Variants in CCDC88C observed in about 807,000 individuals in gnomAD.
CCDC88C encodes the protein coiled-coil and HOOK domain protein 88C.
Under a neutral mutation model 198.8 loss-of-function variants are expected in CCDC88C, and 131 were observed. The observed-to-expected ratio is 0.66, with a 90% confidence interval of 0.57 to 0.76. CCDC88C has a LOEUF of 0.76. CCDC88C is among the 30% of genes least tolerant of loss of function. The pLI, the probability that CCDC88C is intolerant of heterozygous loss-of-function variation, is 0.00. For missense variants in CCDC88C, 2,553 were observed against 2,631.6 expected (o/e 0.97, Z 0.65); for synonymous variants, 1,166 against 1,114.7 (o/e 1.05, Z -0.92).
At position 91,273,186 on chromosome 14, in the gene CCDC88C, G is replaced by A; in HGVS notation, c.5526C>T (p.Ser1842=). The part of the protein sequence containing the change: ...PEALGGRETG[S]HTLQSPAPPS... Reference sequence around the variant, plus strand: ...GGGGTGCGGGGCTTTGCAGGGTGTGGCTGCCTGTCTCTCTGCCCCCTAAGG... The same window carrying A: ...GGGGTGCGGGGCTTTGCAGGGTGTGACTGCCTGTCTCTCTGCCCCCTAAGG... Residue 1842 remains serine (S), a synonymous_variant, in exon 30 of 30, where the codon AGC becomes AGT. Transcript: ENST00000389857. This position sits in a 1 kb window ranked among gnomAD's most constrained non-coding sequence, Gnocchi z 5.6. 6.3e-7 allele frequency: 1 copy of A among 1,577,390 alleles called. No individual in the cohort carries two copies. The highest frequency in any genetic ancestry group is 8.6e-7 in the Non-Finnish European group (1 of 1,161,904).
chr14:91,279,242 T>C lies in CCDC88C; in HGVS notation c.4764A>G (p.Leu1588=), dbSNP rs1275975135. ...NTSSNSSPLN[L]KGSSEQLHGR... ...ACACAGAAGCACAAGACTTACCTTT[T>C]AGGTTAAGAGGTGAGCTGTTGCTGG... Residue 1588 remains leucine (L), a synonymous_variant, in exon 28 of 30, where the codon CTA becomes CTG. Coordinates refer to ENST00000389857, the MANE Select transcript of CCDC88C (RefSeq NM_001080414.4). The C allele has an allele frequency of 1.3e-6, 2 of 1,593,878 alleles. No individual in the cohort carries two copies. Among genetic ancestry groups the C allele is most frequent in the African/African-American group, 2.7e-5 (2 of 74,756 alleles).
chr14:91,341,902 G>A (rs1159285172), intron 6 of CCDC88C, among the ~76,000 whole-genome samples: 1 of 152,146 alleles, frequency 6.6e-6, no homozygotes, highest in Non-Finnish European at 1.5e-5. Context: ...CTCCCAAGGC[G>A]GTCTTTCTGG....
chr14:91,417,175 T>C (rs1475429616), intron 1 of CCDC88C: 7 of 702,932 alleles, frequency 1.0e-5, no homozygotes, highest in Admixed American at 8.0e-5. Context: ...GTCTGTTCGC[T>C]TTCCCATTCG....
chr14:91,367,442 G>A (rs974244748), intron 3 of CCDC88C, among the ~76,000 whole-genome samples: 2 of 152,198 alleles, frequency 1.3e-5, no homozygotes, highest in African/African-American at 2.4e-5. Flanking sequence ...CGTCGGCTTC[G>A]CAGGTGCACC....
intron 20 of CCDC88C, among the ~76,000 whole-genome samples, chr14:91,300,913 A>C (rs1054893625): frequency 6.6e-6 from 1 of 152,144 alleles, no homozygotes; most frequent in Non-Finnish European, 1.5e-5. Context: ...GATCTTTCCC[A>C]TTCAGGCAAA....
At position 91,315,773 on chromosome 14, in the gene CCDC88C, T is replaced by G; in HGVS notation, c.1542A>C (p.Gln514His). Residue 514 changes from glutamine to histidine, a missense_variant, in exon 14 of 30, where the codon CAA (glutamine) becomes CAC (histidine). By Grantham distance (24) the Gln-to-His change is conservative (BLOSUM62 0). Coordinates refer to ENST00000389857, the MANE Select transcript of CCDC88C (RefSeq NM_001080414.4). ...TCTGCTTTTCTCTCTCCAGCTGGGT[T>G]TGTAACTTTTCAATCTGCAGAACCA... is the stretch of plus-strand genomic sequence containing the variant. ...HQLSKKIEKL[Q>H]TQLEREKQSN... 2 of 1,612,856 alleles carry G rather than the reference T, an allele frequency of 1.2e-6. No homozygotes were observed. The highest frequency in any genetic ancestry group is 1.7e-6 in the Non-Finnish European group (2 of 1,179,372).
At chr14:91,396,893 G>A (rs563266099) in intron 3 of CCDC88C, among the ~76,000 whole-genome samples, 1 of 152,092 alleles carries the variant, frequency 6.6e-6, no homozygotes, top group Non-Finnish European at 1.5e-5. Flanking sequence ...CCAGCTACTC[G>A]GGGGGCTGAG....
intron 10 of CCDC88C, among the ~76,000 whole-genome samples, chr14:91,330,245 G>A (rs573972454): frequency 8.4e-4 from 128 of 152,364 alleles, no homozygotes; most frequent in African/African-American, 3.1e-3. Context: ...GCTGGGAGAC[G>A]CAGCCCGCAC....
rs765867826 is a variant in CCDC88C, at chr14:91,305,861, G to A, written c.3261C>T (p.Asn1087=). ...TCAAGATCTGGCTGCTGAAGGTCAC[G>A]TTCTGGGTCTCCAGGTGCTGCAGCT... ...KEQLQHLETQ[N]VTFSSQILTL... is the part of the protein sequence containing the mutation. The change falls in exon 19 of 30, where the codon AAC becomes AAT. Residue 1087 remains asparagine, a synonymous_variant. Coordinates refer to ENST00000389857, the MANE Select transcript of CCDC88C (RefSeq NM_001080414.4). The A allele has an allele frequency of 9.9e-6, 16 of 1,613,860 alleles. No homozygotes were observed. Among genetic ancestry groups the A allele is most frequent in the Non-Finnish European group, 1.3e-5 (15 of 1,179,904 alleles).
intron 3 of CCDC88C, among the ~76,000 whole-genome samples, chr14:91,377,795 C>A (rs762170248): frequency 1.3e-5 from 2 of 152,208 alleles, no homozygotes; most frequent in African/African-American, 4.8e-5. Context: ...AGGGACCAGT[C>A]TCTGTCTGGT....
At chr14:91,364,017 C>T (rs1194829559) in intron 3 of CCDC88C, among the ~76,000 whole-genome samples, 1 of 152,284 alleles carries the variant, frequency 6.6e-6, no homozygotes, top group African/African-American at 2.4e-5. Flanking sequence ...CTGGAGAGTG[C>T]AAGCCCAGTG....
chr14:91,304,008 C>A, intron 19 of CCDC88C, 30 bp from the exon 20 acceptor site: 1 of 1,585,434 alleles, frequency 6.3e-7, no homozygotes. Context: ...CGGCGTGGCG[C>A]AGGCCCCACA....
intron 13 of CCDC88C, chr14:91,315,992 A>C: frequency 3.7e-6 from 2 of 537,844 alleles, no homozygotes; most frequent in Non-Finnish European, 6.5e-6. Flanking sequence ...AACCATCACC[A>C]TCCCCCCAGC....
chr14:91,307,288 G>A (rs1891600775), intron 17 of CCDC88C, 62 bp from the exon 18 acceptor site: 1 of 1,508,512 alleles, frequency 6.6e-7, no homozygotes, highest in Non-Finnish European at 9.1e-7. Flanking sequence ...GGAGCCCCGA[G>A]TGAGTGGCTG....
At chr14:91,317,448 C>A (rs1443803464) in intron 13 of CCDC88C, among the ~76,000 whole-genome samples, 3 of 152,212 alleles carry the variant, frequency 2.0e-5, no homozygotes, top group African/African-American at 7.2e-5. Context: ...GGTTGCCAGG[C>A]CTGAAGCACA....
intron 6 of CCDC88C, chr14:91,342,112 G>C: frequency 5.5e-6 from 2 of 365,154 alleles, no homozygotes; most frequent in Non-Finnish European, 1.0e-5. Flanking sequence ...GTCCATATAA[G>C]GCAAAAAGAA....
intron 3 of CCDC88C, among the ~76,000 whole-genome samples, chr14:91,396,785 A>T (rs1885869041): frequency 6.6e-6 from 1 of 152,180 alleles, no homozygotes. Context: ...AAACAACTTC[A>T]GGAGTTCGAG....
chr14:91,293,749 G>A (rs1369515852), intron 23 of CCDC88C, among the ~76,000 whole-genome samples: 1 of 152,022 alleles, frequency 6.6e-6, no homozygotes. Flanking sequence ...CTGGTTCCTG[G>A]CTACCAGGGA....
At chr14:91,304,494 C>T (rs543939240) in intron 19 of CCDC88C, among the ~76,000 whole-genome samples, 1 of 152,200 alleles carries the variant, frequency 6.6e-6, no homozygotes, top group Non-Finnish European at 1.5e-5. Flanking sequence ...GAGGCTGAGG[C>T]AGGAGGACTG....
Sources: allele counts gnomAD v4.1 joint callset (sites outside exome capture counted in the v4.1 genomes callset), GRCh38; gene constraint gnomAD v4.1.1; non-coding constraint Gnocchi (gnomAD v3.1); transcripts MANE v1.5; gene names NCBI Gene and HGNC (gene_info 2026-07-23, HGNC 2026-07-21).